Variants in LRBA observed in about 807,000 individuals in gnomAD.
The protein encoded by LRBA is lipopolysaccharide-responsive and beige-like anchor protein.
A neutral mutation model predicts 330.0 loss-of-function variants in LRBA; 176 were observed. The observed-to-expected ratio is 0.53, with a 90% CI of 0.47 to 0.60. The LOEUF (loss-of-function observed/expected upper bound fraction) is 0.60, where lower values mean the gene tolerates loss of function less well. Among genes scored for constraint, LRBA ranks in the 20% least tolerant of loss-of-function variants. The probability of loss-of-function intolerance (pLI) is 0.00; values close to 1 mark genes in which losing one functional copy is unlikely to be tolerated. For synonymous variants in LRBA, 1,230 were observed against 1,193.0 expected, an observed-to-expected ratio of 1.03 and a Z score of -0.64; for missense variants, 3,259 against 3,444.8, an observed-to-expected ratio of 0.95 and a Z score of 1.35.
chr4:150,602,489 C>T (rs1489352878), intron 37 of LRBA, among the ~76,000 whole-genome samples: 1 of 152,066 alleles, frequency 6.6e-6, no homozygotes, highest in Non-Finnish European at 1.5e-5. Context: ...TACACAGTAA[C>T]AAACCTGGGC....
chr4:150,746,519 T>G, intron 35 of LRBA, among the ~76,000 whole-genome samples: 1 of 150,360 alleles, frequency 6.7e-6, no homozygotes, highest in East Asian at 1.9e-4. Context: ...TTTTTTTTTT[T>G]TTTTTTTGTG....
Position 150,321,599 on chromosome 4 carries a change from T to C in LRBA, c.7453-231A>G, listed in dbSNP as rs75535931. On this transcript the variant is annotated intron_variant, in intron 49 of 56. Coordinates refer to ENST00000651943, the MANE Select transcript of LRBA (RefSeq NM_001364905.1). This position sits in a 1 kb window ranked among gnomAD's most constrained non-coding sequence, Gnocchi z 4.5. ...TTTTGGGGGACTGAAGTAGAATACATTAACAGAAACACTTTAAAATTTATA... is the reference window on the plus strand; with the variant it reads ...TTTTGGGGGACTGAAGTAGAATACACTAACAGAAACACTTTAAAATTTATA... Among the ~76,000 whole-genome samples the C allele has an allele frequency of 6.6e-6, 1 of 152,154 alleles. No individual in the cohort carries two copies. Among genetic ancestry groups the C allele is most frequent in the East Asian group, 1.9e-4 (1 of 5,200 alleles).
intron 37 of LRBA, among the ~76,000 whole-genome samples, chr4:150,643,802 A>C (rs1174245559): frequency 6.6e-6 from 1 of 152,034 alleles, no homozygotes; most frequent in Admixed American, 6.6e-5. Context: ...AATTGGAAAA[A>C]AAGATATTTC....
At chr4:150,898,632 T>C (rs1230199723) in intron 14 of LRBA, among the ~76,000 whole-genome samples, 2 of 126,104 alleles carry the variant, frequency 1.6e-5, no homozygotes, top group Non-Finnish European at 3.3e-5. Context: ...ATTTGTTCCA[T>C]GTGATTCCTA....
chr4:150,831,002 T>G (rs1392930414), intron 29 of LRBA, among the ~76,000 whole-genome samples: 1 of 151,948 alleles, frequency 6.6e-6, no homozygotes, highest in East Asian at 1.9e-4. Flanking sequence ...TGACCTCAAG[T>G]GATCCAGCTG....
rs1753433710 is a variant in LRBA at position 150,871,463 on chromosome 4, C to T, written c.2259-10G>A. ...GACTTCTGCTTTCCTCCTGCAATTA[C>T]ACAAAAAGAAATCATCAAATGTAGA... On this transcript the variant is annotated splice_polypyrimidine_tract_variant and intron_variant, in intron 18 of 56. Transcript: ENST00000651943. The T allele has an allele frequency of 1.3e-6, 2 of 1,530,430 alleles. No individual in the cohort carries two copies. The highest frequency in any genetic ancestry group is 1.8e-6 in the Non-Finnish European group (2 of 1,104,680). The allele number at this position is 1,530,430 out of a possible 1,614,324, so 94.8% of individuals were successfully genotyped here.
chr4:150,829,288 C>T (rs1746795372), intron 29 of LRBA, among the ~76,000 whole-genome samples: 1 of 152,120 alleles, frequency 6.6e-6, no homozygotes, highest in African/African-American at 2.4e-5. Context: ...AACATGGTTA[C>T]TGCAGCTGGA....
intron 8 of LRBA, among the ~76,000 whole-genome samples, chr4:150,915,063 G>C (rs966458454): frequency 2.0e-5 from 3 of 152,120 alleles, no homozygotes; most frequent in African/African-American, 7.2e-5. Flanking sequence ...GTATATATGT[G>C]TAGCAAAGGA....
chr4:150,276,628 A>C (rs1030330431), intron 56 of LRBA, among the ~76,000 whole-genome samples: 1 of 152,248 alleles, frequency 6.6e-6, no homozygotes, highest in Admixed American at 6.5e-5. Flanking sequence ...ATGAACAGAC[A>C]CTTCTCAAAA....
At chr4:150,774,969 G>A (rs558617591) in intron 34 of LRBA, among the ~76,000 whole-genome samples, 1 of 152,284 alleles carries the variant, frequency 6.6e-6, no homozygotes, top group East Asian at 1.9e-4. Context: ...ATTCACCAAT[G>A]TCATAGATCT....
At chr4:151,005,168 C>A (rs184126378) in intron 2 of LRBA, among the ~76,000 whole-genome samples, 1 of 150,214 alleles carries the variant, frequency 6.7e-6, no homozygotes, top group East Asian at 2.0e-4. Flanking sequence ...CTGTAATGGC[C>A]GGGCACGGTG....
chr4:150,875,744 A>C (rs1018094041), intron 17 of LRBA, among the ~76,000 whole-genome samples: 5 of 152,208 alleles, frequency 3.3e-5, no homozygotes, highest in Non-Finnish European at 1.5e-5. Context: ...AAAATCTTAA[A>C]AGCATGAAAA....
intron 2 of LRBA, among the ~76,000 whole-genome samples, chr4:150,955,280 A>G (rs574153157): frequency 2.0e-5 from 3 of 149,188 alleles, no homozygotes; most frequent in East Asian, 3.9e-4. Flanking sequence ...CATAAAAGAA[A>G]AAGGAAAGGA....
At chr4:150,276,644 C>T (rs1378663522) in intron 56 of LRBA, among the ~76,000 whole-genome samples, 1 of 152,198 alleles carries the variant, frequency 6.6e-6, no homozygotes. Context: ...CAAAAGAAGA[C>T]ATTTACGCAG....
At chr4:150,748,966 C>A (rs10001433) in intron 35 of LRBA, among the ~76,000 whole-genome samples, 55,028 of 152,046 alleles carry the variant, frequency 0.36, 11,610 homozygotes, top group Middle Eastern at 0.47. Context: ...CACACTGAAA[C>A]CTGCCAGTGT....
chr4:150,772,520 A>G (rs966467881), intron 34 of LRBA, among the ~76,000 whole-genome samples: 9 of 152,214 alleles, frequency 5.9e-5, no homozygotes, highest in Admixed American at 2.0e-4. Flanking sequence ...GACAGATAAC[A>G]TTCAGTTCAT....
chr4:150,332,328 G>A (rs899605199), intron 48 of LRBA, among the ~76,000 whole-genome samples: 2 of 152,000 alleles, frequency 1.3e-5, no homozygotes, highest in Non-Finnish European at 2.9e-5. Context: ...TGGCCTCTGG[G>A]AGATCTTTCT....
intron 37 of LRBA, among the ~76,000 whole-genome samples, chr4:150,633,515 C>T (rs1777583290): frequency 6.6e-6 from 1 of 152,152 alleles, no homozygotes; most frequent in Non-Finnish European, 1.5e-5. Context: ...ATGACCTTCC[C>T]CACAATTAGT....
chr4:150,931,720 C>G (rs1293236515), intron 2 of LRBA, among the ~76,000 whole-genome samples: 1 of 151,590 alleles, frequency 6.6e-6, no homozygotes. Flanking sequence ...TGAGATCACA[C>G]CACTGCACTC....
Sources: gnomAD v4.1 joint callset for allele counts (sites outside exome capture counted in the v4.1 genomes callset) on GRCh38, gnomAD v4.1.1 for gene constraint, Gnocchi (gnomAD v3.1) non-coding constraint, MANE v1.5 for transcripts, NCBI Gene and HGNC (gene_info 2026-07-23, HGNC 2026-07-21) for gene names.